NCAM1: variants seen among roughly 807,000 people sequenced by gnomAD.
NCAM1 encodes the protein antigen recognized by monoclonal antibody 5.1H11.
NCAM1 carries 14 observed loss-of-function variants against 109.8 expected under a neutral mutation model. The observed-to-expected ratio is 0.13, with a 90% CI of 0.08 to 0.20. The LOEUF is 0.20. Ranked by LOEUF, NCAM1 falls within the 10% of genes least tolerant of loss-of-function variation. The probability of loss-of-function intolerance (pLI) is 1.00; values close to 1 mark genes in which losing one functional copy is unlikely to be tolerated. For missense variants in NCAM1, 774 were observed against 1,109.9 expected (o/e 0.70, Z 4.30); for synonymous variants, 418 against 442.9 (o/e 0.94, Z 0.70).
intron 1 of NCAM1, among the ~76,000 whole-genome samples, chr11:113,195,216 A>ATC (rs1943816057): frequency 6.6e-6 from 1 of 152,218 alleles, no homozygotes; most frequent in Non-Finnish European, 1.5e-5. Flanking sequence ...CCCAGTTACT[A>ATC]TCAACAGTAG....
chr11:113,206,272 TA>T, intron 5 of NCAM1, 92 bp downstream of exon 5: 1 of 1,373,120 alleles, frequency 7.3e-7, no homozygotes, highest in South Asian at 1.4e-5. Flanking sequence ...GTCTGTAAAT[TA>T]AATCCTGTCC....
At chr11:113,182,865 A>G (rs111381008) in intron 1 of NCAM1, among the ~76,000 whole-genome samples, 2,574 of 152,236 alleles carry the variant, frequency 0.017, 76 homozygotes, top group African/African-American at 0.059. Flanking sequence ...GGGACCTCTG[A>G]TGTGCTGCCA....
intron 1 of NCAM1, among the ~76,000 whole-genome samples, chr11:113,050,380 T>G (rs1411732677): frequency 6.6e-6 from 1 of 152,196 alleles, no homozygotes; most frequent in African/African-American, 2.4e-5. Context: ...TCTAGTTTTT[T>G]GTCTCAATAG....
rs567619015 is a variant in NCAM1 at position 113,140,874 on chromosome 11, A to G, written c.53-61505A>G. On this transcript the variant is annotated intron_variant, in intron 1 of 19. Transcript: ENST00000316851. ...AAGATACAAATAGTGAATTAAATTCATATTTCACATCATCCTGAGGATTTC... is the reference window on the plus strand; with the variant it reads ...AAGATACAAATAGTGAATTAAATTCGTATTTCACATCATCCTGAGGATTTC... Among the ~76,000 whole-genome samples the G allele has an allele frequency of 4.6e-5, 7 of 152,192 alleles. No homozygotes were observed. In the South Asian group the frequency reaches 1.2e-3, roughly 27 times the overall value.
Position 113,060,210 on chromosome 11 carries a change from T to G in NCAM1, c.52+98546T>G, listed in dbSNP as rs184524356. ...AGACAAGATTTTTAATATGTGATGC[T>G]TGTCCTTTCTGCTTTTGCGACATCA... On this transcript the variant is annotated intron_variant, in intron 1 of 19. Coordinates refer to ENST00000316851, the MANE Select transcript of NCAM1 (RefSeq NM_181351.5). Among the ~76,000 whole-genome samples the G allele has an allele frequency of 4.3e-3, 657 of 152,342 alleles. 5 individuals carry two copies. Among genetic ancestry groups the G allele is most frequent in the African/African-American group, 0.015 (629 of 41,582 alleles).
At chr11:113,067,027 T>C (rs1376482248) in intron 1 of NCAM1, among the ~76,000 whole-genome samples, 5 of 143,598 alleles carry the variant, frequency 3.5e-5, no homozygotes, top group Admixed American at 7.3e-5. Flanking sequence ...AAAAAAAAAT[T>C]AGATTGCCAG....
chr11:113,026,881 A>G (rs111945010), intron 1 of NCAM1, among the ~76,000 whole-genome samples: 3 of 152,300 alleles, frequency 2.0e-5, no homozygotes, highest in African/African-American at 7.2e-5. Context: ...ACCTCATGCC[A>G]GATATTTAGT....
chr11:113,270,380 G>A lies in NCAM1; in HGVS notation c.2324G>A (p.Gly775Asp). 6.2e-7 allele frequency: 1 copy of A among 1,614,012 alleles called. No individual in the cohort carries two copies. The highest frequency in any genetic ancestry group is 8.5e-7 in the Non-Finnish European group (1 of 1,179,900). Reference protein sequence around the residue: ...PGAKGKDMEEGKAAFSKDESK... With the variant: ...PGAKGKDMEEDKAAFSKDESK... The stretch of plus-strand genomic sequence containing the variant: ...GCCAAGGGCAAGGACATGGAGGAGG[G>A]CAAGGCCGCCTTCTCGTGAGTGCAG... Residue 775 changes from glycine (G) to aspartate (D), a missense_variant, in exon 18 of 20, where the codon GGC becomes GAC. Gly to Asp is a moderately conservative substitution (Grantham distance 94, BLOSUM62 -1). Coordinates refer to ENST00000316851, the MANE Select transcript of NCAM1 (RefSeq NM_181351.5).
intron 15 of NCAM1, among the ~76,000 whole-genome samples, chr11:113,251,656 A>T (rs1488752059): frequency 6.6e-6 from 1 of 152,206 alleles, no homozygotes; most frequent in Non-Finnish European, 1.5e-5. Flanking sequence ...GCTAAAGCGA[A>T]ACTCCAAGGG....
chr11:113,209,921 G>C (rs1345859328), intron 7 of NCAM1, among the ~76,000 whole-genome samples: 1 of 152,170 alleles, frequency 6.6e-6, no homozygotes, highest in Non-Finnish European at 1.5e-5. Context: ...TGAAGGAGTG[G>C]ATGAGAATTT....
chr11:113,067,088 T>C (rs1245479701), intron 1 of NCAM1, among the ~76,000 whole-genome samples: 1 of 152,080 alleles, frequency 6.6e-6, no homozygotes, highest in East Asian at 1.9e-4. Flanking sequence ...CATAGTTTGT[T>C]GTTACATCTG....
intron 1 of NCAM1, among the ~76,000 whole-genome samples, chr11:113,168,384 G>A (rs1231444794): frequency 1.3e-5 from 2 of 152,174 alleles, no homozygotes; most frequent in East Asian, 1.9e-4. Flanking sequence ...CAAGGGAGAT[G>A]CTAGATGGTC....
intron 1 of NCAM1, among the ~76,000 whole-genome samples, chr11:113,199,137 G>A (rs1265126075): frequency 6.6e-6 from 1 of 152,178 alleles, no homozygotes; most frequent in African/African-American, 2.4e-5. Context: ...ATTTACGCAA[G>A]GAGTGTTTAT....
chr11:112,974,995 C>T (rs574814019), intron 1 of NCAM1, among the ~76,000 whole-genome samples: 8 of 151,856 alleles, frequency 5.3e-5, no homozygotes, highest in Non-Finnish European at 1.2e-4. Context: ...TTATCTTGCA[C>T]GTTTTAGGGT....
At chr11:112,989,138 G>A (rs1555070173) in intron 1 of NCAM1, among the ~76,000 whole-genome samples, 1 of 152,116 alleles carries the variant, frequency 6.6e-6, no homozygotes, top group Non-Finnish European at 1.5e-5. Flanking sequence ...TAATCTAGAT[G>A]TGTGTACCTC....
chr11:113,090,035 G>A (rs1191904532), intron 1 of NCAM1, among the ~76,000 whole-genome samples: 1 of 152,184 alleles, frequency 6.6e-6, no homozygotes, highest in Non-Finnish European at 1.5e-5. Flanking sequence ...AAATTTGTAG[G>A]ATTTTGTGTG....
intron 1 of NCAM1, among the ~76,000 whole-genome samples, chr11:113,156,911 A>T (rs1381817308): frequency 6.6e-6 from 1 of 152,060 alleles, no homozygotes; most frequent in Non-Finnish European, 1.5e-5. Context: ...CTTGGAGTAG[A>T]TGCTTTAGGG....
At chr11:113,088,162 T>G (rs1246261991) in intron 1 of NCAM1, among the ~76,000 whole-genome samples, 1 of 152,186 alleles carries the variant, frequency 6.6e-6, no homozygotes, top group African/African-American at 2.4e-5. Context: ...TCATCAGAAA[T>G]GAATAAATAG....
rs141713182 is a variant in NCAM1 at position 113,117,968 on chromosome 11, C to T, written c.53-84411C>T. Among the ~76,000 whole-genome samples the T allele has an allele frequency of 2.4e-4, 36 of 151,944 alleles. 1 individual carries two copies. Among genetic ancestry groups the T allele is most frequent in the African/African-American group, 8.7e-4 (36 of 41,306 alleles). On this transcript the variant is annotated intron_variant, in intron 1 of 19. Coordinates refer to ENST00000316851, the MANE Select transcript of NCAM1 (RefSeq NM_181351.5). Reference sequence around the variant, plus strand: ...GTAAGACCATCCTGGGCCATTTAGACCTGAGAGTGAAGTGATTAATAGCAC... The same window carrying T: ...GTAAGACCATCCTGGGCCATTTAGATCTGAGAGTGAAGTGATTAATAGCAC...
Sources: allele counts gnomAD v4.1 joint callset (sites outside exome capture counted in the v4.1 genomes callset), GRCh38; gene constraint gnomAD v4.1.1; transcripts MANE v1.5; gene names NCBI Gene and HGNC (gene_info 2026-07-23, HGNC 2026-07-21).